Variants in ANGPT1 observed in about 807,000 individuals in gnomAD.
The protein encoded by ANGPT1 is angiopoietin 1.
ANGPT1 carries 17 observed loss-of-function variants against 62.2 expected under a neutral mutation model. The observed-to-expected ratio is 0.27, with a 90% CI of 0.19 to 0.41. The LOEUF (loss-of-function observed/expected upper bound fraction) is 0.41. ANGPT1 is among the 10% of genes least tolerant of loss of function. ANGPT1 has a pLI of 1.00. For missense variants in ANGPT1, 478 were observed against 594.9 expected (o/e 0.80, Z 2.04); for synonymous variants, 199 against 198.9 (o/e 1.00, Z 0.00).
chr8:107,432,857 T>C (rs1482759759), intron 1 of ANGPT1, among the ~76,000 whole-genome samples: 3 of 152,226 alleles, frequency 2.0e-5, no homozygotes, highest in Non-Finnish European at 4.4e-5. Context: ...AGAATTGTCC[T>C]GTCTCACTAT....
At chr8:107,324,415 AG>A (rs1189439513) in intron 3 of ANGPT1, among the ~76,000 whole-genome samples, 3 of 151,920 alleles carry the variant, frequency 2.0e-5, no homozygotes, top group African/African-American at 7.3e-5. Flanking sequence ...CACAGGGAAA[AG>A]GTTGTGTAAA....
At chr8:107,424,790 T>A (rs2130387893) in intron 1 of ANGPT1, among the ~76,000 whole-genome samples, 1 of 152,354 alleles carries the variant, frequency 6.6e-6, no homozygotes, top group Admixed American at 6.5e-5. Context: ...ATGAGGAATT[T>A]TACAAAATTA....
intron 1 of ANGPT1, among the ~76,000 whole-genome samples, chr8:107,428,113 A>G (rs1216952824): frequency 6.6e-6 from 1 of 152,206 alleles, no homozygotes; most frequent in South Asian, 2.1e-4. Flanking sequence ...TTCTCCACTT[A>G]TTACCAACCA....
At chr8:107,267,529 C>G (rs949001869) in intron 7 of ANGPT1, among the ~76,000 whole-genome samples, 4 of 152,096 alleles carry the variant, frequency 2.6e-5, no homozygotes, top group African/African-American at 9.7e-5. Context: ...AGGTCAGTTT[C>G]TAGTCTTGGC....
At chr8:107,275,164 A>C (rs1813833984) in intron 7 of ANGPT1, among the ~76,000 whole-genome samples, 1 of 152,162 alleles carries the variant, frequency 6.6e-6, no homozygotes, top group African/African-American at 2.4e-5. Context: ...CAAACAGAGT[A>C]ATCAAAATAT....
chr8:107,436,715 G>C (rs1238220836), intron 1 of ANGPT1, among the ~76,000 whole-genome samples: 1 of 152,144 alleles, frequency 6.6e-6, no homozygotes, highest in Non-Finnish European at 1.5e-5. Flanking sequence ...TGACCCGTGA[G>C]GACAGCCCCT....
At chr8:107,488,066 G>A (rs1048084449) in intron 1 of ANGPT1, among the ~76,000 whole-genome samples, 6 of 152,070 alleles carry the variant, frequency 3.9e-5, no homozygotes, top group South Asian at 2.1e-4. Flanking sequence ...AGAATTTGCC[G>A]CTAATTAACC....
chr8:107,467,557 G>A (rs1812235853), intron 1 of ANGPT1, among the ~76,000 whole-genome samples: 1 of 152,036 alleles, frequency 6.6e-6, no homozygotes. Flanking sequence ...GTATGATAAA[G>A]CTACTAAGAA....
At chr8:107,426,243 A>G (rs536925998) in intron 1 of ANGPT1, among the ~76,000 whole-genome samples, 2 of 152,206 alleles carry the variant, frequency 1.3e-5, no homozygotes, top group African/African-American at 4.8e-5. Context: ...TGCCAGATAA[A>G]TCTGCCTCCA....
chr8:107,471,509 C>A (rs531904456), intron 1 of ANGPT1, among the ~76,000 whole-genome samples: 1 of 152,160 alleles, frequency 6.6e-6, no homozygotes, highest in African/African-American at 2.4e-5. Flanking sequence ...ACCTATGTAA[C>A]AAACCTGCAC....
intron 7 of ANGPT1, 60 bp downstream of exon 7, chr8:107,284,622 C>G: frequency 2.3e-6 from 3 of 1,298,080 alleles, no homozygotes; most frequent in Non-Finnish European, 3.0e-6. Flanking sequence ...TATTTTCCCA[C>G]TACAATTATT....
intron 4 of ANGPT1, among the ~76,000 whole-genome samples, 168 bp from the exon 5 acceptor site, chr8:107,303,535 C>T (rs1321500769): frequency 6.9e-6 from 1 of 145,582 alleles, no homozygotes; most frequent in African/African-American, 2.5e-5. Context: ...AGGTAGCTTA[C>T]AAAATTAAAA....
intron 1 of ANGPT1, among the ~76,000 whole-genome samples, chr8:107,448,911 A>AT (rs1444226266): frequency 6.6e-6 from 1 of 152,090 alleles, no homozygotes; most frequent in Non-Finnish European, 1.5e-5. Flanking sequence ...ACACAGAGAG[A>AT]TTTTTGGTAA....
chr8:107,298,408 G>T (rs1384816070), intron 5 of ANGPT1, among the ~76,000 whole-genome samples: 1 of 151,830 alleles, frequency 6.6e-6, no homozygotes, highest in Non-Finnish European at 1.5e-5. Context: ...TAGGCATTTG[G>T]TTTTGGAAAC....
At chr8:107,419,063 G>A (rs996590238) in intron 1 of ANGPT1, among the ~76,000 whole-genome samples, 15 of 152,106 alleles carry the variant, frequency 9.9e-5, no homozygotes, top group Admixed American at 9.8e-4. Context: ...TATTTTCTAG[G>A]TCTAAAATCG....
At chr8:107,485,786 C>G (rs911179221) in intron 1 of ANGPT1, among the ~76,000 whole-genome samples, 3 of 152,160 alleles carry the variant, frequency 2.0e-5, no homozygotes, top group Non-Finnish European at 4.4e-5. Context: ...ACAGATAAAT[C>G]CAAGAGGGAG....
chr8:107,444,732 G>C (rs1032712021), intron 1 of ANGPT1, among the ~76,000 whole-genome samples: 2 of 152,096 alleles, frequency 1.3e-5, no homozygotes, highest in Non-Finnish European at 2.9e-5. Context: ...ACTTCACAAT[G>C]ATGAGAGTGA....
chr8:107,322,031 G>A lies in ANGPT1; in HGVS notation c.673C>T (p.Arg225Cys), dbSNP rs777414772. The A allele has an allele frequency of 2.4e-5, 39 of 1,613,750 alleles. 1 individual carries two copies. Among genetic ancestry groups the A allele is most frequent in the South Asian group, 1.2e-4 (11 of 91,072 alleles). ...EKENLQGLVT[R>C]QTYIIQELEK... ...AGCTCCTGGATTATATATGTTTGAC[G>A]AGTAACCAAGCCTTGAAGGTTCTCT... Residue 225 changes from arginine to cysteine, a missense_variant, in exon 4 of 9, where the codon CGT (arginine) becomes TGT (cysteine). This residue lies in a region of ANGPT1 where 343 missense variants were observed against 355.4 expected (regional missense o/e 0.97). Transcript: ENST00000517746.
chr8:107,305,302 T>TG (rs1163383547), intron 4 of ANGPT1, among the ~76,000 whole-genome samples: 3 of 151,928 alleles, frequency 2.0e-5, no homozygotes, highest in Admixed American at 2.0e-4. Flanking sequence ...TTTTCTCTTT[T>TG]GAGAGAGAGA....
Sources: gnomAD v4.1 joint callset for allele counts (sites outside exome capture counted in the v4.1 genomes callset) on GRCh38, gnomAD v4.1.1 for gene constraint, gnomAD v4.1.1 regional missense constraint, MANE v1.5 for transcripts, NCBI Gene and HGNC (gene_info 2026-07-23, HGNC 2026-07-21) for gene names.